The following EPCIP variants were observed in gnomAD, a reference collection of about 807,000 sequenced individuals.
The protein encoded by EPCIP is exosomal polycystin 1 interacting protein, also known as exosomal polycystin-1-interacting protein.
At chr21:32,791,908 CT>C in the EPCIP span, among the ~76,000 whole-genome samples, 172 of 143,054 alleles carry the variant, frequency 1.2e-3, no homozygotes, top group Admixed American at 1.3e-3. Flanking sequence ...TTTTTCTTTT[CT>C]TTTTTTTTTT....
At chr21:32,793,689 C>T in the EPCIP span, 1 of 1,429,316 alleles carries the variant, frequency 7.0e-7, no homozygotes, top group Non-Finnish European at 9.9e-7. Context: ...ATCTCACGGC[C>T]TTATTTCCAG....
chr21:32,805,224 C>A, the EPCIP span, among the ~76,000 whole-genome samples: 2 of 152,142 alleles, frequency 1.3e-5, no homozygotes, highest in African/African-American at 4.8e-5. Flanking sequence ...ACAGATTTTC[C>A]CTTGGAGTCT....
the EPCIP span, among the ~76,000 whole-genome samples, chr21:32,813,170 CTT>C: frequency 6.6e-6 from 1 of 152,076 alleles, no homozygotes; most frequent in South Asian, 2.1e-4. Context: ...TATCATATCT[CTT>C]TTCCTTAATT....
At chr21:32,796,593 C>A in the EPCIP span, among the ~76,000 whole-genome samples, 1 of 152,196 alleles carries the variant, frequency 6.6e-6, no homozygotes, top group African/African-American at 2.4e-5. Context: ...TTAATAGGTA[C>A]ATTTTGTCAT....
At chr21:32,810,563 G>A in the EPCIP span, 1 of 469,516 alleles carries the variant, frequency 2.1e-6, no homozygotes, top group East Asian at 7.0e-5. Context: ...GCCCGGCCCT[G>A]ATCTTCTTAC....
the EPCIP span, among the ~76,000 whole-genome samples, chr21:32,799,222 G>C: frequency 4.6e-5 from 7 of 152,150 alleles, no homozygotes; most frequent in African/African-American, 1.7e-4. Context: ...ATGAGCATGG[G>C]TGAGCATTGC....
chr21:32,809,282 T>C, the EPCIP span, among the ~76,000 whole-genome samples: 10 of 87,798 alleles, frequency 1.1e-4, no homozygotes, highest in East Asian at 2.3e-3. Context: ...CCTCCTTCCT[T>C]TCTTTCTTTC....
At chr21:32,791,366 A>T in the EPCIP span, 1 of 152,254 alleles carries the variant, frequency 6.6e-6, no homozygotes, top group Non-Finnish European at 1.5e-5. Context: ...TATAGGAGGC[A>T]TATACTTTCT....
At chr21:32,813,219 C>G in the EPCIP span, among the ~76,000 whole-genome samples, 5 of 152,072 alleles carry the variant, frequency 3.3e-5, no homozygotes, top group African/African-American at 1.2e-4. Context: ...AAAGTCTAGC[C>G]AGATGTTTTA....
At chr21:32,796,282 G>A in the EPCIP span, among the ~76,000 whole-genome samples, 1 of 152,180 alleles carries the variant, frequency 6.6e-6, no homozygotes, top group African/African-American at 2.4e-5. Context: ...GCGAGAGGAG[G>A]GGGCAAATGC....
chr21:32,808,325 T>C, the EPCIP span, among the ~76,000 whole-genome samples: 1 of 152,154 alleles, frequency 6.6e-6, no homozygotes, highest in Non-Finnish European at 1.5e-5. Flanking sequence ...GGCAGACCTT[T>C]ACTATTTTAA....
chr21:32,796,820 C>T, the EPCIP span: 3 of 344,114 alleles, frequency 8.7e-6, no homozygotes, highest in Non-Finnish European at 1.8e-5. Flanking sequence ...TATCCCAGAA[C>T]CAGGAATGCT....
chr21:32,793,848 T>C, the EPCIP span: 1 of 1,614,182 alleles, frequency 6.2e-7, no homozygotes, highest in South Asian at 1.1e-5. Flanking sequence ...TTGTTGGCAA[T>C]GCTGGTAACG....
the EPCIP span, chr21:32,794,334 T>C: frequency 2.5e-6 from 4 of 1,614,156 alleles, no homozygotes; most frequent in Non-Finnish European, 3.4e-6. Flanking sequence ...ATGAGCGTGC[T>C]GTTCTTCTGA....
At chr21:32,809,437 G>T in the EPCIP span, among the ~76,000 whole-genome samples, 1 of 150,764 alleles carries the variant, frequency 6.6e-6, no homozygotes, top group Admixed American at 6.6e-5. Flanking sequence ...AGGCTGGAGT[G>T]CAGTGGCTCA....
At chr21:32,808,489 T>C in the EPCIP span, among the ~76,000 whole-genome samples, 6 of 152,234 alleles carry the variant, frequency 3.9e-5, no homozygotes, top group African/African-American at 1.4e-4. Flanking sequence ...GTTCCGACCA[T>C]TCGATTTTGG....
the EPCIP span, among the ~76,000 whole-genome samples, chr21:32,800,938 C>G: frequency 6.6e-6 from 1 of 152,174 alleles, no homozygotes; most frequent in African/African-American, 2.4e-5. Flanking sequence ...GTCTTACAAC[C>G]TAGGTATATC....
chr21:32,793,571 G>T, the EPCIP span: 1 of 666,220 alleles, frequency 1.5e-6, no homozygotes. Flanking sequence ...TTTCAAAAGT[G>T]TTCTCGCAGT....
chr21:32,804,325 G>A, the EPCIP span, among the ~76,000 whole-genome samples: 6 of 147,404 alleles, frequency 4.1e-5, no homozygotes, highest in Admixed American at 6.8e-5. Flanking sequence ...TATTTATTTT[G>A]TTTAGAGATG....
Sources: allele counts gnomAD v4.1 joint callset (sites outside exome capture counted in the v4.1 genomes callset), GRCh38; gene constraint gnomAD v4.1.1; transcripts MANE v1.5; gene names NCBI Gene and HGNC (gene_info 2026-07-23, HGNC 2026-07-21).